PACRG: variants seen among roughly 807,000 people sequenced by gnomAD.
PACRG encodes the protein parkin coregulated gene protein.
PACRG carries 29 observed loss-of-function variants against 29.7 expected under a neutral mutation model. That is an observed-to-expected ratio of 0.98 (90% CI 0.73 to 1.33). The LOEUF (loss-of-function observed/expected upper bound fraction) is 1.33. Ranked by LOEUF, PACRG falls within the 40% of genes most tolerant of loss-of-function variation. The pLI is 0.00. For synonymous variants in PACRG, 116 were observed against 118.7 expected, an observed-to-expected ratio of 0.98 and a Z score of 0.15; for missense variants, 279 against 316.2, an observed-to-expected ratio of 0.88 and a Z score of 0.89.
chr6:162,841,785 G>A (rs1187524416), intron 2 of PACRG, among the ~76,000 whole-genome samples: 3 of 151,718 alleles, frequency 2.0e-5, no homozygotes, highest in Admixed American at 1.3e-4. Flanking sequence ...CAGAGATTCT[G>A]GTATGTTGTA....
intron 4 of PACRG, among the ~76,000 whole-genome samples, chr6:163,124,288 A>T (rs540331592): frequency 1.3e-5 from 2 of 152,130 alleles, no homozygotes; most frequent in Non-Finnish European, 2.9e-5. Flanking sequence ...GCAGAAATTG[A>T]TGCTGGGGGA....
At chr6:163,073,116 A>G (rs1472172153) in intron 3 of PACRG, among the ~76,000 whole-genome samples, 2 of 152,202 alleles carry the variant, frequency 1.3e-5, no homozygotes, top group Non-Finnish European at 2.9e-5. Context: ...TAAATTTTAT[A>G]TGAAACCGCA....
rs142893174 is a variant in PACRG at position 163,068,865 on chromosome 6, G to A, written c.463+6544G>A. Among the ~76,000 whole-genome samples, 1,508 of 151,066 alleles carry A rather than the reference G, an allele frequency of 1.0e-2. 25 individuals are homozygous for A. Among genetic ancestry groups the A allele is most frequent in the African/African-American group, 0.035 (1,448 of 41,062 alleles). On this transcript the variant is annotated intron_variant, in intron 3 of 4. Transcript: ENST00000366888. Reference sequence around the variant, plus strand: ...TGAATATTTATTATAGATTTGTAGCGCTTTTCTTTGTTTGGGGTGGGGGGT... The same window carrying A: ...TGAATATTTATTATAGATTTGTAGCACTTTTCTTTGTTTGGGGTGGGGGGT...
chr6:163,232,031 G>A (rs1045060836), intron 4 of PACRG, among the ~76,000 whole-genome samples: 6 of 152,212 alleles, frequency 3.9e-5, no homozygotes. Flanking sequence ...AATAAAATAA[G>A]CTACTTCTGA....
chr6:163,080,447 C>A (rs1812978320), intron 3 of PACRG, among the ~76,000 whole-genome samples: 1 of 151,862 alleles, frequency 6.6e-6, no homozygotes, highest in South Asian at 2.1e-4. Context: ...CGTGTGTAAG[C>A]AAGTGCAGGC....
rs367980213 is a variant in PACRG at position 163,102,791 on chromosome 6, A to G, written c.613+13383A>G. Among the ~76,000 whole-genome samples the G allele has an allele frequency of 1.0e-4, 15 of 149,366 alleles. No individual in the cohort carries two copies. In the East Asian group the frequency reaches 1.6e-3, roughly 16 times the overall value. On this transcript the variant is annotated intron_variant, in intron 4 of 4. Coordinates refer to ENST00000366888, the MANE Select transcript of PACRG (RefSeq NM_001080379.2). The stretch of plus-strand genomic sequence containing the variant: ...ACCTGTTGCATTTCCCATCATGAGG[A>G]CTGCCTAATAGGTCTAGTCTTGTTC...
At chr6:162,846,598 C>G (rs907246068) in intron 2 of PACRG, among the ~76,000 whole-genome samples, 3 of 152,160 alleles carry the variant, frequency 2.0e-5, no homozygotes, top group African/African-American at 7.2e-5. Context: ...TAATAATCAC[C>G]CATCCCCACA....
chr6:163,050,533 G>A (rs1038156921), intron 2 of PACRG, among the ~76,000 whole-genome samples: 9 of 152,104 alleles, frequency 5.9e-5, no homozygotes, highest in African/African-American at 1.9e-4. Context: ...TCTTTGTCCT[G>A]TGTTCAACTC....
chr6:162,765,368 T>A (rs919926809), intron 1 of PACRG, among the ~76,000 whole-genome samples: 1 of 152,104 alleles, frequency 6.6e-6, no homozygotes, highest in Non-Finnish European at 1.5e-5. Flanking sequence ...AGTACTATTT[T>A]CCAGTGCAAC....
At chr6:162,972,790 T>G (rs1801640469) in intron 2 of PACRG, among the ~76,000 whole-genome samples, 1 of 152,216 alleles carries the variant, frequency 6.6e-6, no homozygotes, top group African/African-American at 2.4e-5. Flanking sequence ...GCTCTACGTC[T>G]TCCACAGTGT....
intron 2 of PACRG, among the ~76,000 whole-genome samples, chr6:162,851,019 A>G (rs574346332): frequency 1.6e-4 from 25 of 152,336 alleles, no homozygotes; most frequent in Admixed American, 6.5e-4. Flanking sequence ...ATTGTTGCCT[A>G]TTGGTGGGGA....
chr6:163,188,764 C>T (rs533952010), intron 4 of PACRG, among the ~76,000 whole-genome samples: 1 of 152,280 alleles, frequency 6.6e-6, no homozygotes, highest in East Asian at 1.9e-4. Context: ...CTTGGTGTGT[C>T]GTTCTGTTGT....
intron 2 of PACRG, among the ~76,000 whole-genome samples, chr6:162,914,508 G>GTTTTTTTTTTTTTTTTTTTT (rs3028611): frequency 1.1e-5 from 1 of 95,098 alleles, no homozygotes; most frequent in Non-Finnish European, 2.1e-5. Flanking sequence ...GTACTTTTTT[G>GTTTTTTTTTTTTTTTTTTTT]TTTTTTTTTT....
chr6:162,878,803 GATGAATGTAT>G (rs779668574), intron 2 of PACRG, among the ~76,000 whole-genome samples: 135 of 152,312 alleles, frequency 8.9e-4, no homozygotes, highest in Non-Finnish European at 9.3e-4. Context: ...AGTATGTTAA[GATGAATGTAT>G]ATGCATAAGC....
intron 4 of PACRG, chr6:163,179,460 G>A (rs1015042233): frequency 7.0e-6 from 2 of 287,472 alleles, no homozygotes; most frequent in African/African-American, 4.4e-5. Flanking sequence ...AACACTTTGG[G>A]AGGCTGATGA....
rs760476268 is a variant in PACRG, at chr6:163,089,331, C to T, written c.536C>T (p.Ala179Val). The change falls in exon 4 of 5, where the codon GCT becomes GTT. Residue 179 changes from alanine (A) to valine (V), a missense_variant. Transcript: ENST00000366888. The part of the protein sequence containing the change: ...LKVLQHLVVS[A>V]EMVGKALVPY... ...GTCCTCCAGCATCTGGTTGTGTCAGCTGAGATGGTGGGCAAGGCCTTGGTG... is the reference window on the plus strand; with the variant it reads ...GTCCTCCAGCATCTGGTTGTGTCAGTTGAGATGGTGGGCAAGGCCTTGGTG... 6.2e-7 allele frequency: 1 copy of T among 1,614,124 alleles called. No individual in the cohort carries two copies. Among genetic ancestry groups the T allele is most frequent in the Non-Finnish European group, 8.5e-7 (1 of 1,180,004 alleles).
chr6:163,024,943 T>C (rs531986272), intron 2 of PACRG, among the ~76,000 whole-genome samples: 56 of 152,298 alleles, frequency 3.7e-4, no homozygotes, highest in Admixed American at 1.2e-3. Flanking sequence ...ATAAATGTGA[T>C]TCAGCACATA....
upstream of PACRG, chr6:162,727,851 T>C: frequency 1.6e-6 from 1 of 625,546 alleles, no homozygotes; most frequent in Non-Finnish European, 2.7e-6. Flanking sequence ...GTCGTAGTTC[T>C]AACGCGTAGT....
At chr6:163,198,748 T>C (rs777812153) in intron 4 of PACRG, among the ~76,000 whole-genome samples, 2 of 152,100 alleles carry the variant, frequency 1.3e-5, no homozygotes, top group Non-Finnish European at 2.9e-5. Flanking sequence ...GAAAGTTTCT[T>C]TTGCCAAGGT....
Sources: allele counts gnomAD v4.1 joint callset (sites outside exome capture counted in the v4.1 genomes callset), GRCh38; gene constraint gnomAD v4.1.1; transcripts MANE v1.5; gene names NCBI Gene and HGNC (gene_info 2026-07-23, HGNC 2026-07-21).